The following RUFY2 variants were observed in gnomAD, a reference collection of about 807,000 sequenced individuals.
The protein encoded by RUFY2 is RUN and FYVE domain containing 2.
In RUFY2, 49 loss-of-function variants were observed where a neutral mutation model predicts 94.4. That is an observed-to-expected ratio of 0.52 (90% CI 0.41 to 0.66). The LOEUF (loss-of-function observed/expected upper bound fraction) is 0.66, where lower values mean the gene tolerates loss of function less well. Ranked by LOEUF, RUFY2 falls within the 30% of genes least tolerant of loss-of-function variation. The pLI is 0.00. For synonymous variants in RUFY2, 255 were observed against 235.7 expected, an observed-to-expected ratio of 1.08 and a Z score of -0.75; for missense variants, 541 against 692.8, an observed-to-expected ratio of 0.78 and a Z score of 2.46.
At chr10:68,356,983 G>T (rs1247750354) in intron 15 of RUFY2, among the ~76,000 whole-genome samples, 1 of 151,650 alleles carries the variant, frequency 6.6e-6, no homozygotes, top group African/African-American at 2.4e-5. Context: ...GGCCAACATG[G>T]TGAAACCCCA....
At chr10:68,374,735 T>A (rs2048510287) in intron 13 of RUFY2, among the ~76,000 whole-genome samples, 1 of 152,208 alleles carries the variant, frequency 6.6e-6, no homozygotes, top group Admixed American at 6.5e-5. Flanking sequence ...ATATAATATG[T>A]AACTATTTTC....
intron 12 of RUFY2, 182 bp from the exon 13 acceptor site, chr10:68,377,154 G>A (rs2048733375): frequency 7.1e-7 from 1 of 1,411,440 alleles, no homozygotes; most frequent in Non-Finnish European, 9.3e-7. Flanking sequence ...GTTGTTTTGT[G>A]ATTTTTTTTT....
At chr10:68,406,501 A>C (rs2051314982) in intron 1 of RUFY2, among the ~76,000 whole-genome samples, 1 of 152,194 alleles carries the variant, frequency 6.6e-6, no homozygotes. Flanking sequence ...TGGGAGGCAG[A>C]TCGGTGCTGG....
chr10:68,391,036 G>A (rs2049942433), intron 7 of RUFY2, among the ~76,000 whole-genome samples: 1 of 151,364 alleles, frequency 6.6e-6, no homozygotes, highest in Non-Finnish European at 1.5e-5. Context: ...CTGGGTTCGA[G>A]CAATTCTCCT....
At chr10:68,374,556 A>G (rs1281222884) in intron 13 of RUFY2, among the ~76,000 whole-genome samples, 1 of 152,198 alleles carries the variant, frequency 6.6e-6, no homozygotes, top group Non-Finnish European at 1.5e-5. Context: ...ATATTTACCA[A>G]TCCACAATTA....
intron 10 of RUFY2, among the ~76,000 whole-genome samples, chr10:68,382,451 A>G (rs564045590): frequency 6.6e-6 from 1 of 151,866 alleles, no homozygotes; most frequent in South Asian, 2.1e-4. Context: ...GCGGTGGCTC[A>G]TGCAGGTAAT....
intron 11 of RUFY2, among the ~76,000 whole-genome samples, chr10:68,380,675 A>G (rs2048993510): frequency 1.3e-5 from 2 of 152,100 alleles, no homozygotes; most frequent in Non-Finnish European, 2.9e-5. Context: ...CAGCCTGGCC[A>G]ACATTGTGAA....
chr10:68,350,686 A>C (rs1403623744), intron 16 of RUFY2, among the ~76,000 whole-genome samples: 2 of 151,996 alleles, frequency 1.3e-5, no homozygotes, highest in East Asian at 1.9e-4. Flanking sequence ...TCATTAACCT[A>C]AGCGGAGGAT....
chr10:68,376,442 G>GTGTATATATATA (rs1277502418), intron 13 of RUFY2, among the ~76,000 whole-genome samples: 1 of 27,932 alleles, frequency 3.6e-5, no homozygotes, highest in Non-Finnish European at 1.0e-4. Context: ...AAAAATGTGT[G>GTGTATATATATA]TATATATATA....
At chr10:68,390,909 T>C (rs1353942453) in intron 7 of RUFY2, among the ~76,000 whole-genome samples, 1 of 145,624 alleles carries the variant, frequency 6.9e-6, no homozygotes, top group Admixed American at 6.8e-5. Context: ...TGGGATTACA[T>C]GCATGAGCCA....
chr10:68,386,441 C>G (rs2049501268), intron 7 of RUFY2, among the ~76,000 whole-genome samples: 1 of 152,170 alleles, frequency 6.6e-6, no homozygotes. Context: ...CCTCCGCCTC[C>G]TGGGTTCAAA....
chr10:68,361,300 A>G (rs1327259729), intron 15 of RUFY2, among the ~76,000 whole-genome samples: 1 of 152,190 alleles, frequency 6.6e-6, no homozygotes, highest in East Asian at 1.9e-4. Flanking sequence ...AAAAAGTATT[A>G]GTTGGGGAAT....
intron 5 of RUFY2, 39 bp from the exon 6 acceptor site, chr10:68,394,175 A>C (rs1276055604): frequency 1.1e-5 from 17 of 1,490,924 alleles, no homozygotes; most frequent in Non-Finnish European, 1.3e-5. Flanking sequence ...AAAGGGGAGA[A>C]AATACTTTAT....
At position 68,376,440 on chromosome 10, in the gene RUFY2, GTGTATATATATATATA is replaced by G. The variant is rs1297384180; in HGVS notation, c.1325+397_1325+412del. Reference sequence around the variant, plus strand: ...GTGAAACTTCATCTCAAAAAAATGTGTGTATATATATATATATATATATATATATATATATATATAT... The same window carrying G: ...GTGAAACTTCATCTCAAAAAAATGTGTATATATATATATATATATATATAT... On this transcript the variant is annotated intron_variant, in intron 13 of 17. Coordinates refer to ENST00000602465, the MANE Select transcript of RUFY2 (RefSeq NM_001330103.2). Among the ~76,000 whole-genome samples the G allele has an allele frequency of 4.8e-3, 231 of 48,260 alleles. 7 individuals carry two copies. Among genetic ancestry groups the G allele is most frequent in the Middle Eastern group, 0.032 (2 of 62 alleles). The allele number at this position is 48,260 out of a possible 152,430, so 31.7% of individuals were successfully genotyped here. A position where few individuals can be genotyped will look rare whatever the true frequency, so the allele number is the denominator to read the frequency against.
intron 11 of RUFY2, 112 bp from the exon 12 acceptor site, chr10:68,379,633 A>G (rs2048897007): frequency 1.2e-5 from 8 of 675,826 alleles, no homozygotes; most frequent in Middle Eastern, 4.3e-4. Flanking sequence ...CCCAGGTTGG[A>G]TTTGAACTTC....
chr10:68,362,155 A>C (rs2047499762), intron 15 of RUFY2, among the ~76,000 whole-genome samples: 1 of 151,550 alleles, frequency 6.6e-6, no homozygotes, highest in South Asian at 2.1e-4. Flanking sequence ...CAAGATCCTA[A>C]CTCCACAAAA....
chr10:68,396,903 T>A (rs752445062), intron 3 of RUFY2, 22 bp from the exon 4 acceptor site: 1 of 1,525,116 alleles, frequency 6.6e-7, no homozygotes, highest in South Asian at 1.1e-5. Flanking sequence ...AACCAATTGA[T>A]CAGAAAACAG....
Position 68,376,465 on chromosome 10 carries a change from TATATATATATATATATATATATA to T in RUFY2, c.1325+365_1325+387del, listed in dbSNP as rs1288230498. On this transcript the variant is annotated intron_variant, in intron 13 of 17. Transcript: ENST00000602465. ...GTGTATATATATATATATATATATATATATATATATATATATATATATATATTCTCAGAAAACAGCATGTCCTT... is the reference window on the plus strand; with the variant it reads ...GTGTATATATATATATATATATATATTATTCTCAGAAAACAGCATGTCCTT... Among the ~76,000 whole-genome samples, 103 of 33,718 alleles carry T rather than the reference TATATATATATATATATATATATA, an allele frequency of 3.1e-3. 13 individuals carry two copies. In the East Asian group the frequency reaches 0.04, roughly 13 times the overall value. 22.1% of individuals were successfully genotyped at this position (33,718 alleles called of 152,430 possible). A position where few individuals can be genotyped will look rare whatever the true frequency, so the allele number is the denominator to read the frequency against.
chr10:68,356,330 AC>A (rs2047053429), intron 15 of RUFY2, among the ~76,000 whole-genome samples: 5 of 151,850 alleles, frequency 3.3e-5, no homozygotes, highest in Admixed American at 3.3e-4. Flanking sequence ...ATACAGTGAA[AC>A]CCCATCTCTA....
Sources: gnomAD v4.1 joint callset for allele counts (sites outside exome capture counted in the v4.1 genomes callset) on GRCh38, gnomAD v4.1.1 for gene constraint, MANE v1.5 for transcripts, NCBI Gene and HGNC (gene_info 2026-07-23, HGNC 2026-07-21) for gene names.